BMP5: variants seen among roughly 807,000 people sequenced by gnomAD.
The protein encoded by BMP5 is bone morphogenetic protein 5.
Under a neutral mutation model 46.6 loss-of-function variants are expected in BMP5, and 23 were observed. The ratio of observed to expected loss-of-function variants is 0.49; its 90% confidence interval spans 0.35 to 0.70. The LOEUF is 0.70. BMP5 is among the 30% of genes least tolerant of loss of function. The pLI, the probability that BMP5 is intolerant of heterozygous loss-of-function variation, is 0.00. For missense variants in BMP5, 545 were observed against 565.6 expected (o/e 0.96, Z 0.37); for synonymous variants, 204 against 191.9 (o/e 1.06, Z -0.52).
chr6:55,818,878 A>G (rs902450797), intron 2 of BMP5, among the ~76,000 whole-genome samples: 3 of 152,164 alleles, frequency 2.0e-5, no homozygotes, highest in Non-Finnish European at 4.4e-5. Context: ...ACTGGGAGAG[A>G]GATATCACCT....
intron 1 of BMP5, among the ~76,000 whole-genome samples, chr6:55,856,452 G>A (rs1002857877): frequency 7.9e-5 from 12 of 152,144 alleles, no homozygotes; most frequent in Admixed American, 7.9e-4. Context: ...AAAATTGTAA[G>A]ATATTTTCTA....
In BMP5 at chr6:55,871,106, T is replaced by C. The variant is rs1777776822; in HGVS notation, c.490+3270A>G. 2.0e-5 allele frequency among the ~76,000 whole-genome samples: 3 copies of C among 151,934 alleles called. No homozygotes were observed. The South Asian group carries it at 6.2e-4, about 31-fold the overall frequency. ...CTTAGAAATACACTACATGTTTTAT[T>C]TGTGTAAACAAGAGATAAATATTGT... On this transcript the variant is annotated intron_variant, in intron 1 of 6. Transcript: ENST00000370830.
chr6:55,842,015 G>C, intron 1 of BMP5, among the ~76,000 whole-genome samples: 1 of 151,716 alleles, frequency 6.6e-6, no homozygotes, highest in East Asian at 1.9e-4. Flanking sequence ...GTATCATCTT[G>C]CAGTAGATTT....
At chr6:55,837,703 T>C (rs1320570931) in intron 1 of BMP5, among the ~76,000 whole-genome samples, 1 of 152,188 alleles carries the variant, frequency 6.6e-6, no homozygotes, top group Non-Finnish European at 1.5e-5. Flanking sequence ...ATTAAGTTAT[T>C]ATTGACTATA....
rs192736851 is a variant in BMP5, at chr6:55,762,312, C to A, written c.1028-1779G>T. 3.3e-3 allele frequency among the ~76,000 whole-genome samples: 498 copies of A among 152,162 alleles called. 5 individuals carry two copies. Among genetic ancestry groups the A allele is most frequent in the African/African-American group, 0.011 (476 of 41,548 alleles). On this transcript the variant is annotated intron_variant, in intron 4 of 6. Coordinates refer to ENST00000370830, the MANE Select transcript of BMP5 (RefSeq NM_021073.4). ...CACCTTCCTGTTTAATTACTCTCAA[C>A]CTCTAATGAAAGTGTAGGCAAGTTA...
Position 55,781,608 on chromosome 6 carries a change from T to A in BMP5, c.833-7365A>T, listed in dbSNP as rs1238469584. Among the ~76,000 whole-genome samples the A allele has an allele frequency of 8.9e-5, 11 of 123,964 alleles. No homozygotes were observed. In the South Asian group the frequency reaches 2.2e-3, roughly 24 times the overall value. 81.3% of individuals were successfully genotyped at this position (123,964 alleles called of 152,430 possible). A position where few individuals can be genotyped will look rare whatever the true frequency, so the allele number is the denominator to read the frequency against. ...TTACCAGCTACTATATTATTCCAAA[T>A]TTTTTTTTTTTTTTTTTGAGATGGA... On this transcript the variant is annotated intron_variant, in intron 3 of 6. Transcript: ENST00000370830.
At chr6:55,784,134 G>C (rs1775390582) in intron 3 of BMP5, among the ~76,000 whole-genome samples, 1 of 151,828 alleles carries the variant, frequency 6.6e-6, no homozygotes, top group Non-Finnish European at 1.5e-5. Context: ...ATTGTGATCT[G>C]CCAGTGTAAG....
chr6:55,857,895 G>T (rs575019051), intron 1 of BMP5, among the ~76,000 whole-genome samples: 1 of 151,770 alleles, frequency 6.6e-6, no homozygotes, highest in East Asian at 1.9e-4. Flanking sequence ...GCGCCACCAG[G>T]CCTGGCTAAT....
At chr6:55,825,523 A>T (rs1582096536) in intron 1 of BMP5, among the ~76,000 whole-genome samples, 1 of 151,988 alleles carries the variant, frequency 6.6e-6, no homozygotes, top group South Asian at 2.1e-4. Flanking sequence ...AGTTCTGCAA[A>T]GGTTAAACTC....
rs1359811303 is a variant in BMP5, at chr6:55,874,465, G to T, written c.401C>A (p.Pro134His). Reference sequence around the variant, plus strand: ...TAGAGGAGGACTCTGGGTGGTCAGAGGAGTCGTCCGAGATAACTGTATGCG... The same window carrying T: ...TAGAGGAGGACTCTGGGTGGTCAGATGAGTCGTCCGAGATAACTGTATGCG... Reference protein sequence around the residue: ...PRRIQLSRTTPLTTQSPPLAS... With the variant: ...PRRIQLSRTTHLTTQSPPLAS... The change falls in exon 1 of 7, where the codon CCT becomes CAT. Residue 134 changes from proline to histidine, a missense_variant. By Grantham distance (77) the Pro-to-His change is moderately conservative (BLOSUM62 -2). Coordinates refer to ENST00000370830, the MANE Select transcript of BMP5 (RefSeq NM_021073.4). 6.2e-7 allele frequency: 1 copy of T among 1,613,388 alleles called. No individual in the cohort carries two copies. Among genetic ancestry groups the T allele is most frequent in the African/African-American group, 1.3e-5 (1 of 74,970 alleles).
chr6:55,817,379 A>G (rs1307088471), intron 2 of BMP5, among the ~76,000 whole-genome samples: 37 of 152,370 alleles, frequency 2.4e-4, no homozygotes, highest in Admixed American at 2.3e-3. Context: ...GACTGGATTA[A>G]GAAAATATGG....
intron 3 of BMP5, among the ~76,000 whole-genome samples, chr6:55,782,006 G>A (rs1295613874): frequency 2.6e-5 from 4 of 151,462 alleles, no homozygotes; most frequent in East Asian, 3.9e-4. Context: ...TAAATTATTC[G>A]GCACCTAATA....
In BMP5 at chr6:55,755,691, G is replaced by C; in HGVS notation, c.1216-9C>G. The stretch of plus-strand genomic sequence containing the variant: ...GGAAACATCAGATGAACCTGGGAAA[G>C]AAAAAAGGTTTTGTTTTATTAAGAA... On this transcript the variant is annotated splice_polypyrimidine_tract_variant and intron_variant, in intron 6 of 6. Coordinates refer to ENST00000370830, the MANE Select transcript of BMP5 (RefSeq NM_021073.4). 6.2e-7 allele frequency: 1 copy of C among 1,609,514 alleles called. No homozygotes were observed. The highest frequency in any genetic ancestry group is 1.7e-4 in the Middle Eastern group (1 of 6,022).
chr6:55,771,039 G>A (rs1775035707), intron 4 of BMP5, among the ~76,000 whole-genome samples: 1 of 151,634 alleles, frequency 6.6e-6, no homozygotes. Context: ...GAGAAACCAA[G>A]TAAACAAATG....
At chr6:55,784,493 A>G (rs1387325291) in intron 3 of BMP5, among the ~76,000 whole-genome samples, 1 of 151,806 alleles carries the variant, frequency 6.6e-6, no homozygotes, top group Non-Finnish European at 1.5e-5. Context: ...TAAATTAAGA[A>G]GAGGGGGTTT....
chr6:55,777,155 C>T (rs1419088441), intron 3 of BMP5, among the ~76,000 whole-genome samples: 1 of 151,784 alleles, frequency 6.6e-6, no homozygotes, highest in African/African-American at 2.4e-5. Flanking sequence ...ACTATTTGAC[C>T]TAGTATTTCA....
chr6:55,873,467 A>G (rs1017394851), intron 1 of BMP5, among the ~76,000 whole-genome samples: 8 of 151,930 alleles, frequency 5.3e-5, no homozygotes, highest in Non-Finnish European at 1.2e-4. Context: ...TTACTAAAAC[A>G]TTTAAAGAAA....
chr6:55,767,668 G>A (rs1774947664), intron 4 of BMP5, among the ~76,000 whole-genome samples: 1 of 151,870 alleles, frequency 6.6e-6, no homozygotes, highest in African/African-American at 2.4e-5. Context: ...ATGATTCAGG[G>A]CACAGATAGC....
intron 4 of BMP5, among the ~76,000 whole-genome samples, chr6:55,761,834 A>T (rs947962385): frequency 6.6e-6 from 1 of 152,038 alleles, no homozygotes; most frequent in Non-Finnish European, 1.5e-5. Context: ...CTAAAATATA[A>T]GCGTCATAGG....
Sources: allele counts gnomAD v4.1 joint callset (sites outside exome capture counted in the v4.1 genomes callset), GRCh38; gene constraint gnomAD v4.1.1; transcripts MANE v1.5; gene names NCBI Gene and HGNC (gene_info 2026-07-23, HGNC 2026-07-21).